Variants in MAF observed in about 807,000 individuals in gnomAD.
MAF encodes the protein transcription factor Maf.
A neutral mutation model predicts 22.0 loss-of-function variants in MAF; 10 were observed. The ratio of observed to expected loss-of-function variants is 0.45; its 90% CI spans 0.28 to 0.77. The LOEUF is 0.77. Ranked by LOEUF, MAF falls within the 30% of genes least tolerant of loss-of-function variation. The pLI, the probability that MAF is intolerant of heterozygous loss-of-function variation, is 0.12. For synonymous variants in MAF, 337 were observed against 255.8 expected (o/e 1.32, Z -3.03); for missense variants, 544 against 548.4 (o/e 0.99, Z 0.08).
chr16:79,347,278 C>A, the MAF span, among the ~76,000 whole-genome samples: 2 of 152,200 alleles, frequency 1.3e-5, no homozygotes, highest in African/African-American at 4.8e-5. Context: ...TGTGCAGACC[C>A]AGGCCTCCCT....
At chr16:79,379,977 G>C in the MAF span, among the ~76,000 whole-genome samples, 1 of 152,166 alleles carries the variant, frequency 6.6e-6, no homozygotes, top group Non-Finnish European at 1.5e-5. Flanking sequence ...TGTGGGGAAA[G>C]TCAAAAGAAA....
At chr16:79,468,304 G>C in the MAF span, among the ~76,000 whole-genome samples, 1 of 152,180 alleles carries the variant, frequency 6.6e-6, no homozygotes, top group Non-Finnish European at 1.5e-5. Flanking sequence ...CTGCTGCCCT[G>C]GGCCGGCCAG....
the MAF span, among the ~76,000 whole-genome samples, chr16:79,235,793 G>T: frequency 1.3e-5 from 2 of 151,980 alleles, no homozygotes; most frequent in East Asian, 3.9e-4. Flanking sequence ...TCACACCACA[G>T]GCACACCACT....
the MAF span, among the ~76,000 whole-genome samples, chr16:79,299,913 C>T: frequency 6.6e-6 from 1 of 152,206 alleles, no homozygotes; most frequent in African/African-American, 2.4e-5. Context: ...AAAATTCGAA[C>T]TCTTGGCAAA....
chr16:79,576,643 C>G, the MAF span, among the ~76,000 whole-genome samples: 18 of 151,826 alleles, frequency 1.2e-4, no homozygotes, highest in African/African-American at 4.4e-4. Flanking sequence ...AGGAGGGAAA[C>G]GTCCAATATC....
chr16:79,489,880 G>C, the MAF span, among the ~76,000 whole-genome samples: 9 of 152,162 alleles, frequency 5.9e-5, no homozygotes, highest in African/African-American at 1.7e-4. Context: ...AAAGAGACAA[G>C]GGTGGTCAGG....
At chr16:79,406,368 C>A in the MAF span, among the ~76,000 whole-genome samples, 1 of 152,136 alleles carries the variant, frequency 6.6e-6, no homozygotes, top group Non-Finnish European at 1.5e-5. Flanking sequence ...GACTGAGTGG[C>A]TTATATCAAC....
the MAF span, among the ~76,000 whole-genome samples, chr16:79,499,217 TG>T: frequency 0.036 from 5,473 of 152,282 alleles, 304 homozygotes; most frequent in African/African-American, 0.12. Context: ...CCCTCTTTTG[TG>T]GCTGGGCTGC....
the MAF span, among the ~76,000 whole-genome samples, chr16:79,561,433 A>G: frequency 2.6e-5 from 4 of 151,472 alleles, no homozygotes; most frequent in African/African-American, 7.3e-5. Context: ...GTCATTTACC[A>G]TTAGGTATAT....
the MAF span, among the ~76,000 whole-genome samples, chr16:79,519,210 C>A: frequency 6.6e-6 from 1 of 152,132 alleles, no homozygotes; most frequent in Non-Finnish European, 1.5e-5. Context: ...GCCCCCAAAC[C>A]TGGAGCTGTT....
At chr16:79,308,886 G>C in the MAF span, among the ~76,000 whole-genome samples, 2 of 152,198 alleles carry the variant, frequency 1.3e-5, no homozygotes, top group Non-Finnish European at 1.5e-5. Flanking sequence ...GAATCTGGGA[G>C]ACGGGAGAAT....
At chr16:79,206,979 ATTGT>A in the MAF span, among the ~76,000 whole-genome samples, 3 of 152,076 alleles carry the variant, frequency 2.0e-5, no homozygotes, top group Non-Finnish European at 2.9e-5. Flanking sequence ...TGAAGCTGTA[ATTGT>A]TTGTGAGGAA....
At chr16:79,532,419 G>A in the MAF span, among the ~76,000 whole-genome samples, 8 of 152,320 alleles carry the variant, frequency 5.3e-5, no homozygotes, top group South Asian at 1.7e-3. Flanking sequence ...TGAAACAAAT[G>A]TGCAGTGAGT....
chr16:79,318,259 C>T, the MAF span, among the ~76,000 whole-genome samples: 2 of 152,144 alleles, frequency 1.3e-5, no homozygotes, highest in Non-Finnish European at 2.9e-5. Context: ...CTACACAGCA[C>T]TGCAGGGCTC....
the MAF span, among the ~76,000 whole-genome samples, chr16:79,576,369 C>A: frequency 6.6e-6 from 1 of 151,570 alleles, no homozygotes; most frequent in Non-Finnish European, 1.5e-5. Flanking sequence ...TGAAAGATAC[C>A]ATATACCACC....
At chr16:79,562,182 C>A in the MAF span, among the ~76,000 whole-genome samples, 11 of 152,216 alleles carry the variant, frequency 7.2e-5, no homozygotes, top group South Asian at 1.2e-3. Flanking sequence ...ATATTCAGAC[C>A]ACGTCTAGTC....
the MAF span, among the ~76,000 whole-genome samples, chr16:79,376,074 C>G: frequency 2.0e-5 from 3 of 149,148 alleles, no homozygotes; most frequent in African/African-American, 5.0e-5. Context: ...CCTGGGAGAA[C>G]AGTGAAGCAA....
chr16:79,236,024 C>A, the MAF span, among the ~76,000 whole-genome samples: 1 of 152,136 alleles, frequency 6.6e-6, no homozygotes, highest in East Asian at 1.9e-4. Flanking sequence ...GTGGAGCCCA[C>A]GGGAATCTCA....
the MAF span, among the ~76,000 whole-genome samples, chr16:79,312,974 A>T: frequency 6.6e-6 from 1 of 152,210 alleles, no homozygotes; most frequent in Non-Finnish European, 1.5e-5. Context: ...AGATGGGGAC[A>T]GTGGAGAGAG....
Sources: gnomAD v4.1 joint callset for allele counts (sites outside exome capture counted in the v4.1 genomes callset) on GRCh38, gnomAD v4.1.1 for gene constraint, MANE v1.5 for transcripts, NCBI Gene and HGNC (gene_info 2026-07-23, HGNC 2026-07-21) for gene names.